The following ANAPC2 variants were observed in gnomAD, a reference collection of about 807,000 sequenced individuals.
The protein encoded by ANAPC2 is anaphase-promoting complex subunit 2.
Under a neutral mutation model 84.3 loss-of-function variants are expected in ANAPC2, and 29 were observed. The ratio of observed to expected loss-of-function variants is 0.34; its 90% CI spans 0.26 to 0.47. ANAPC2 has a LOEUF of 0.47. Ranked by LOEUF, ANAPC2 falls within the 20% of genes least tolerant of loss-of-function variation. The pLI, the probability that ANAPC2 is intolerant of heterozygous loss-of-function variation, is 1.00. For synonymous variants in ANAPC2, 571 were observed against 479.4 expected (o/e 1.19, Z -2.50); for missense variants, 857 against 1,131.7 (o/e 0.76, Z 3.48).
chr9:137,182,367 C>T (rs1365788057), intron 6 of ANAPC2, among the ~76,000 whole-genome samples: 2 of 152,232 alleles, frequency 1.3e-5, no homozygotes, highest in East Asian at 1.9e-4. Context: ...AAAAAGTTAG[C>T]CAGGCTTGGT....
chr9:137,183,267 G>A (rs751025042), intron 5 of ANAPC2, 25 bp from the exon 6 acceptor site: 13 of 1,585,132 alleles, frequency 8.2e-6, no homozygotes, highest in East Asian at 2.2e-5. Context: ...GAAGCCAGCA[G>A]TCATGCAGTG....
chr9:137,185,776 G>A (rs1834452335), intron 3 of ANAPC2, among the ~76,000 whole-genome samples: 1 of 152,178 alleles, frequency 6.6e-6, no homozygotes, highest in African/African-American at 2.4e-5. Context: ...CACCCCAACA[G>A]CACAGGTGCC....
chr9:137,175,865 A>G (rs1834196845), intron 10 of ANAPC2, 28 bp from the exon 11 acceptor site: 1 of 1,580,974 alleles, frequency 6.3e-7, no homozygotes, highest in Non-Finnish European at 8.6e-7. Flanking sequence ...CAGCACGGGC[A>G]GCTCGGCTGC....
At chr9:137,183,965 T>C (rs999348579) in intron 4 of ANAPC2, among the ~76,000 whole-genome samples, 174 bp from the exon 5 acceptor site, 3 of 152,178 alleles carry the variant, frequency 2.0e-5, no homozygotes, top group African/African-American at 7.2e-5. Flanking sequence ...CTGATGCATT[T>C]GACCACAATG....
intron 2 of ANAPC2, 60 bp from the exon 3 acceptor site, chr9:137,186,416 A>T: frequency 6.5e-7 from 1 of 1,529,404 alleles, no homozygotes; most frequent in Middle Eastern, 2.3e-4. Context: ...CTAGCCCAGA[A>T]CAGCCCCATG....
chr9:137,180,094 G>A (rs934324613), intron 10 of ANAPC2, 87 bp downstream of exon 10: 54 of 1,417,282 alleles, frequency 3.8e-5, no homozygotes, highest in Admixed American at 3.5e-4. Flanking sequence ...GTGACAACGG[G>A]GCAGCCACAG....
chr9:137,187,930 T>C lies in ANAPC2; in HGVS notation c.291A>G (p.Gln97=), dbSNP rs149865136. The C allele has an allele frequency of 5.6e-6, 9 of 1,613,692 alleles. No homozygotes were observed. Among genetic ancestry groups the C allele is most frequent in the African/African-American group, 4.0e-5 (3 of 74,910 alleles). ...ISPEFWNAIS[Q]CENSADEPQC... Reference sequence around the variant, plus strand: ...GGGGCTCATCCGCAGAGTTCTCGCATTGGGAGATGGCATTCCAGAACTCAG... The same window carrying C: ...GGGGCTCATCCGCAGAGTTCTCGCACTGGGAGATGGCATTCCAGAACTCAG... Residue 97 remains glutamine, a synonymous_variant, in exon 2 of 13, where the codon CAA becomes CAG. Coordinates refer to ENST00000323927, the MANE Select transcript of ANAPC2 (RefSeq NM_013366.4).
In ANAPC2 at chr9:137,175,366, G is replaced by A; in HGVS notation, c.2127C>T (p.Pro709=). ...CCTCAATGACAGAGAAGGTGCCGGG[G>A]GGCTCCTCACGCAGCACACCCTGCT... ...WLQQGVLREE[P]PGTFSVIEEE... The change falls in exon 12 of 13, where the codon CCC becomes CCT. Residue 709 remains proline, a synonymous_variant. Coordinates refer to ENST00000323927, the MANE Select transcript of ANAPC2 (RefSeq NM_013366.4). 2 of 1,611,720 alleles carry A rather than the reference G, an allele frequency of 1.2e-6. No individual in the cohort carries two copies. Among genetic ancestry groups the A allele is most frequent in the Non-Finnish European group, 1.7e-6 (2 of 1,179,568 alleles).
At chr9:137,186,518 G>A in intron 2 of ANAPC2, 162 bp from the exon 3 acceptor site, 1 of 1,101,600 alleles carries the variant, frequency 9.1e-7, no homozygotes, top group Non-Finnish European at 1.3e-6. Context: ...GTGGGGGGCG[G>A]TTGTACCAAA....
intron 8 of ANAPC2, 96 bp downstream of exon 8, chr9:137,180,692 A>C (rs1834324967): frequency 6.4e-7 from 1 of 1,569,400 alleles, no homozygotes; most frequent in Non-Finnish European, 8.6e-7. Flanking sequence ...CACAGCTCCA[A>C]CCAGGCCCCA....
At position 137,175,474 on chromosome 9, in the gene ANAPC2, T is replaced by C; in HGVS notation, c.2021-2A>G. The C allele has an allele frequency of 6.4e-7, 1 of 1,560,536 alleles. No homozygotes were observed. Among genetic ancestry groups the C allele is most frequent in the Non-Finnish European group, 8.7e-7 (1 of 1,153,590 alleles). ...TCAGTTCCTCCAGGGTCCAGCTGGC[T>C]GCGTGCAGAGTCACCGGGACGCTGG... On this transcript the variant is annotated splice_acceptor_variant, in intron 11 of 12. Transcript: ENST00000323927. LOFTEE classifies it high-confidence loss of function.
intron 10 of ANAPC2, chr9:137,176,474 G>C (rs1469036431): frequency 6.6e-6 from 1 of 152,388 alleles, no homozygotes; most frequent in Non-Finnish European, 1.5e-5. Flanking sequence ...GGAAGGGCCA[G>C]GAGGGGTGCT....
At chr9:137,180,159 G>A in intron 10 of ANAPC2, 22 bp downstream of exon 10, 1 of 1,609,388 alleles carries the variant, frequency 6.2e-7, no homozygotes, top group Non-Finnish European at 8.5e-7. Context: ...AGAGCCCATG[G>A]GGTGGCCTGG....
At chr9:137,186,476 ACCCAG>A in intron 2 of ANAPC2, 120 bp from the exon 3 acceptor site, 66 of 1,307,976 alleles carry the variant, frequency 5.0e-5, no homozygotes, top group Non-Finnish European at 6.2e-5. Context: ...ACACACACAC[ACCCAG>A]CACACACCTC....
In ANAPC2 at chr9:137,180,377, G is replaced by A. The variant is rs375617280; in HGVS notation, c.1694C>T (p.Ala565Val). 8.1e-6 allele frequency: 13 copies of A among 1,612,078 alleles called. No homozygotes were observed. The highest frequency in any genetic ancestry group is 2.7e-5 in the African/African-American group (2 of 74,944). Reference protein sequence around the residue: ...HFCEVMLKDMADSRRINANIR... With the variant: ...HFCEVMLKDMVDSRRINANIR... Reference sequence around the variant, plus strand: ...GTTGGCATTGATGCGGCGGGAGTCCGCCATGTCCTGAGGAGGAGCCGGTGT... The same window carrying A: ...GTTGGCATTGATGCGGCGGGAGTCCACCATGTCCTGAGGAGGAGCCGGTGT... Residue 565 changes from alanine to valine, a missense_variant, in exon 10 of 13, where the codon GCG becomes GTG. This residue lies in a region of ANAPC2 where 425 missense variants were observed against 595.5 expected (regional missense o/e 0.71). Coordinates refer to ENST00000323927, the MANE Select transcript of ANAPC2 (RefSeq NM_013366.4).
rs1288664401 is a variant in ANAPC2, at chr9:137,174,990, C to T, written c.2421G>A (p.Gln807=). Residue 807 remains glutamine, a synonymous_variant, in exon 13 of 13, where the codon CAG becomes CAA. Transcript: ENST00000323927. The surrounding 1 kb of genome is among the most constrained non-coding windows in gnomAD (Gnocchi z 6.1). The part of the protein sequence containing the change: ...GYLQKKVRDQ[Q]LVYSAGVYRL... ...GGTAGACGCCGGCCGAGTAGACGAG[C>T]TGCTGGTCCCGCACCTTCTTCTGCA... The T allele has an allele frequency of 6.2e-7, 1 of 1,602,094 alleles. No homozygotes were observed. The highest frequency in any genetic ancestry group is 8.5e-7 in the Non-Finnish European group (1 of 1,175,140).
At chr9:137,183,361 C>T in intron 5 of ANAPC2, 119 bp from the exon 6 acceptor site, 2 of 897,804 alleles carry the variant, frequency 2.2e-6, no homozygotes, top group Non-Finnish European at 3.6e-6. Flanking sequence ...CCACTGCAGC[C>T]TCGTTCCCTT....
chr9:137,182,547 A>C (rs1834366635), intron 6 of ANAPC2, among the ~76,000 whole-genome samples: 1 of 151,994 alleles, frequency 6.6e-6, no homozygotes, highest in African/African-American at 2.4e-5. Flanking sequence ...CTCAGAAGCC[A>C]GGCCAGTTAC....
intron 10 of ANAPC2, among the ~76,000 whole-genome samples, chr9:137,178,900 C>T (rs1022077180): frequency 2.0e-5 from 3 of 152,172 alleles, no homozygotes; most frequent in Non-Finnish European, 2.9e-5. Context: ...AAGCTTCCCC[C>T]TTGGTTTCTA....
Sources: gnomAD v4.1 joint callset for allele counts (sites outside exome capture counted in the v4.1 genomes callset) on GRCh38, gnomAD v4.1.1 for gene constraint, gnomAD v4.1.1 regional missense constraint, Gnocchi (gnomAD v3.1) non-coding constraint, MANE v1.5 for transcripts, NCBI Gene and HGNC (gene_info 2026-07-23, HGNC 2026-07-21) for gene names.